Variants in CLEC16A observed in about 807,000 individuals in gnomAD.
The protein encoded by CLEC16A is C-type lectin domain containing 16A.
In CLEC16A, 51 loss-of-function variants were observed where a neutral mutation model predicts 109.5. That is an observed-to-expected ratio of 0.47 (90% CI 0.37 to 0.59). CLEC16A has a LOEUF of 0.59. Among genes scored for constraint, CLEC16A ranks in the 20% least tolerant of loss-of-function variants. The pLI, the probability that CLEC16A is intolerant of heterozygous loss-of-function variation, is 0.00. For missense variants in CLEC16A, 1,339 were observed against 1,394.0 expected, an observed-to-expected ratio of 0.96 and a Z score of 0.63; for synonymous variants, 673 against 564.2, an observed-to-expected ratio of 1.19 and a Z score of -2.73.
chr16:11,125,496 A>G (rs893346581), intron 21 of CLEC16A, among the ~76,000 whole-genome samples: 1 of 152,182 alleles, frequency 6.6e-6, no homozygotes, highest in African/African-American at 2.4e-5. Context: ...AGTGGCTGAG[A>G]CAGATAAACA....
At chr16:11,124,674 G>A (rs1408388748) in intron 21 of CLEC16A, among the ~76,000 whole-genome samples, 1 of 152,218 alleles carries the variant, frequency 6.6e-6, no homozygotes, top group African/African-American at 2.4e-5. Context: ...TAAAATGACA[G>A]TCTTTCTCAA....
At chr16:11,172,187 CAT>C (rs2068546909) in intron 23 of CLEC16A, among the ~76,000 whole-genome samples, 1 of 152,194 alleles carries the variant, frequency 6.6e-6, no homozygotes, top group African/African-American at 2.4e-5. Flanking sequence ...AATGGACTTA[CAT>C]AGTCACACTC....
chr16:11,072,198 T>G (rs1339693246), intron 19 of CLEC16A, among the ~76,000 whole-genome samples: 2 of 152,184 alleles, frequency 1.3e-5, no homozygotes, highest in African/African-American at 4.8e-5. Flanking sequence ...CTTGGCTCAC[T>G]GCAGCCTCGA....
chr16:11,075,123 G>A (rs1158828035), intron 19 of CLEC16A, among the ~76,000 whole-genome samples: 45 of 152,210 alleles, frequency 3.0e-4, no homozygotes, highest in Non-Finnish European at 2.9e-5. Flanking sequence ...TCTGCTGAAG[G>A]CACTCTACAG....
At chr16:11,140,772 G>A (rs2053788074) in intron 22 of CLEC16A, among the ~76,000 whole-genome samples, 1 of 152,198 alleles carries the variant, frequency 6.6e-6, no homozygotes, top group Non-Finnish European at 1.5e-5. Flanking sequence ...GCCCTGCCGA[G>A]GAAGCCATTG....
Position 11,042,334 on chromosome 16 carries a change from A to G in CLEC16A, c.1741A>G (p.Met581Val), listed in dbSNP as rs750939114. The G allele has an allele frequency of 1.1e-5, 18 of 1,591,710 alleles. No individual in the cohort carries two copies. The highest frequency in any genetic ancestry group is 1.3e-5 in the African/African-American group (1 of 74,474). ...AGTCCTGATGAGTGCTGGCTGCATC[A>G]TGAAGGACGTGCACCTGGCCTGCCT... Reference protein sequence around the residue: ...QQVLMSAGCIMKDVHLACLEG... With the variant: ...QQVLMSAGCIVKDVHLACLEG... The change falls in exon 15 of 24, where the codon ATG becomes GTG. Residue 581 changes from methionine to valine, a missense_variant. This residue lies in a region of CLEC16A where 1,061 missense variants were observed against 1,006.8 expected (regional missense o/e 1.05). Transcript: ENST00000409790.
At chr16:11,007,782 GTA>G (rs994324230) in intron 11 of CLEC16A, among the ~76,000 whole-genome samples, 3 of 152,160 alleles carry the variant, frequency 2.0e-5, no homozygotes, top group African/African-American at 7.2e-5. Context: ...GTGCAGGTGA[GTA>G]TGTGTGTGAG....
rs749505638 is a variant in CLEC16A at position 11,020,214 on chromosome 16, A to T, written c.1325A>T (p.Glu442Val). The change falls in exon 12 of 24, where the codon GAG (glutamate) becomes GTG (valine). Residue 442 changes from glutamate to valine, a missense_variant. Coordinates refer to ENST00000409790, the MANE Select transcript of CLEC16A (RefSeq NM_015226.3). Reference sequence around the variant, plus strand: ...CCAGAGATCGAGATGGTGATCATGGAGCGTAGCAAGCTCTCAGAGCTGGCC... The same window carrying T: ...CCAGAGATCGAGATGGTGATCATGGTGCGTAGCAAGCTCTCAGAGCTGGCC... ...ESEEIEMVIM[E>V]RSKLSELAAS... is the part of the protein sequence containing the mutation. The T allele has an allele frequency of 1.9e-6, 3 of 1,612,944 alleles. No individual in the cohort carries two copies. The highest frequency in any genetic ancestry group is 2.5e-6 in the Non-Finnish European group (3 of 1,179,292).
chr16:10,982,638 G>T (rs2043387906), intron 9 of CLEC16A, among the ~76,000 whole-genome samples: 2 of 152,224 alleles, frequency 1.3e-5, no homozygotes, highest in African/African-American at 4.8e-5. Context: ...TCGCATTAAT[G>T]CACTTCCTTC....
intron 21 of CLEC16A, among the ~76,000 whole-genome samples, chr16:11,125,234 C>T (rs1444008361): frequency 6.6e-6 from 1 of 152,266 alleles, no homozygotes; most frequent in Non-Finnish European, 1.5e-5. Context: ...ATTACTGAAG[C>T]ATTCTGTAAT....
chr16:11,139,280 A>G (rs956301489), intron 22 of CLEC16A, among the ~76,000 whole-genome samples: 1 of 152,202 alleles, frequency 6.6e-6, no homozygotes, highest in Admixed American at 6.6e-5. Flanking sequence ...TGGAGACACC[A>G]GTGGGTTCTG....
intron 21 of CLEC16A, among the ~76,000 whole-genome samples, chr16:11,124,715 G>A (rs1166992316): frequency 2.0e-5 from 3 of 152,212 alleles, no homozygotes; most frequent in Admixed American, 6.5e-5. Context: ...TCAGGCACCA[G>A]TGCTCATCCT....
chr16:11,176,253 A>G (rs554756974), intron 23 of CLEC16A, among the ~76,000 whole-genome samples: 1 of 152,220 alleles, frequency 6.6e-6, no homozygotes, highest in Non-Finnish European at 1.5e-5. Context: ...TTGAAATTCA[A>G]AGAAACCAGA....
rs201467931 is a variant in CLEC16A, at chr16:11,126,032, G to A, written c.2527G>A (p.Gly843Ser). The A allele has an allele frequency of 4.0e-5, 65 of 1,613,454 alleles. 1 individual carries two copies. The Admixed American group carries it at 4.2e-4, about 10-fold the overall frequency. The change falls in exon 22 of 24, where the codon GGC becomes AGC. Residue 843 changes from glycine (G) to serine (S), a missense_variant. Transcript: ENST00000409790. ...CACTGAAGTCCTGGGGTTTGGACTC[G>A]GCTCCTCCACCTCCACTCAGCACCT... ...PTTEVLGFGLGSSTSTQHLPF... is the reference protein window; with the variant it reads ...PTTEVLGFGLSSSTSTQHLPF...
At chr16:11,108,076 G>A (rs918164629) in intron 19 of CLEC16A, among the ~76,000 whole-genome samples, 4 of 152,202 alleles carry the variant, frequency 2.6e-5, no homozygotes, top group African/African-American at 7.2e-5. Flanking sequence ...ACAAAGAACC[G>A]TCTCCATCCC....
chr16:11,168,689 C>T (rs958268087), intron 23 of CLEC16A, among the ~76,000 whole-genome samples: 8 of 152,268 alleles, frequency 5.3e-5, no homozygotes, highest in African/African-American at 1.7e-4. Flanking sequence ...CAATCTCCCT[C>T]CCAGTCCACC....
intron 23 of CLEC16A, among the ~76,000 whole-genome samples, chr16:11,176,407 C>G (rs1318780493): frequency 6.6e-6 from 1 of 152,210 alleles, no homozygotes; most frequent in Non-Finnish European, 1.5e-5. Flanking sequence ...AGATCTCTCT[C>G]TCTCTCTCTC....
chr16:11,026,446 C>T (rs2046406195), intron 13 of CLEC16A, among the ~76,000 whole-genome samples: 1 of 152,094 alleles, frequency 6.6e-6, no homozygotes, highest in South Asian at 2.1e-4. Context: ...TTGGCATAAA[C>T]TTTATGTTTT....
chr16:11,071,745 C>A lies in CLEC16A; in HGVS notation c.2116+10723C>A, dbSNP rs559600865. Among the ~76,000 whole-genome samples, 6 of 144,876 alleles carry A rather than the reference C, an allele frequency of 4.1e-5. No individual in the cohort carries two copies. The East Asian group carries it at 5.9e-4, about 14-fold the overall frequency. On this transcript the variant is annotated intron_variant, in intron 19 of 23. Transcript: ENST00000409790. ...GGGACTACAGATGTGCACCACCACA[C>A]CTGGCTGATTTTTTTTTTTTTTTTT...
Sources: gnomAD v4.1 joint callset for allele counts (sites outside exome capture counted in the v4.1 genomes callset) on GRCh38, gnomAD v4.1.1 for gene constraint, gnomAD v4.1.1 regional missense constraint, MANE v1.5 for transcripts, NCBI Gene and HGNC (gene_info 2026-07-23, HGNC 2026-07-21) for gene names.